Variants in GPR146 observed in about 807,000 individuals in gnomAD.
The protein encoded by GPR146 is G-protein coupled receptor 146.
For synonymous variants in GPR146, 203 were observed against 104.3 expected (o/e 1.95, Z -5.77); for missense variants, 381 against 213.9 (o/e 1.78, Z -4.87).
At chr7:1,046,200 C>T (rs1409108833) in intron 1 of GPR146, among the ~76,000 whole-genome samples, 1 of 152,134 alleles carries the variant, frequency 6.6e-6, no homozygotes, top group Admixed American at 6.5e-5. Context: ...AGGGGCTCCT[C>T]AGGGAGCTGC....
chr7:1,053,133 G>A (rs749163422), intron 1 of GPR146, among the ~76,000 whole-genome samples: 4 of 151,112 alleles, frequency 2.6e-5, no homozygotes, highest in African/African-American at 4.8e-5. Flanking sequence ...CAGACAGCCC[G>A]GCAGCCAGGA....
intron 1 of GPR146, among the ~76,000 whole-genome samples, chr7:1,053,186 C>A (rs1783312455): frequency 6.6e-6 from 1 of 150,450 alleles, no homozygotes; most frequent in Admixed American, 6.6e-5. Context: ...AGACCACGGA[C>A]AGGCAAGGAG....
rs1404845366 is a variant in GPR146, at chr7:1,058,006, TCTTC to T, written c.492_495del (p.Phe165ThrfsTer11). 1.3e-6 allele frequency: 1 copy of T among 770,010 alleles called. No individual in the cohort carries two copies. The highest frequency in any genetic ancestry group is 2.4e-6 in the Non-Finnish European group (1 of 417,924). The allele number at this position is 770,010 out of a possible 1,614,324, so 47.7% of individuals were successfully genotyped here. ...CTGCTGACCAGCTTCTCCTCGCTGC[TCTTC>T]TACATCTGCAGCCATGTGTCCACCC... is the stretch of plus-strand genomic sequence containing the variant. On this transcript the variant is annotated frameshift_variant, in exon 2 of 2. Coordinates refer to ENST00000444847, the MANE Select transcript of GPR146 (RefSeq NM_001303473.2). LOFTEE classifies it low-confidence loss of function (END_TRUNC).
rs748018539 is a variant in GPR146, at chr7:1,057,979, C to T, written c.464C>T (p.Ala155Val). The change falls in exon 2 of 2, where the codon GCG (alanine) becomes GTG (valine). Residue 155 changes from alanine to valine, a missense_variant. Physicochemically the swap from Ala to Val is moderately conservative, Grantham distance 64 (BLOSUM62 0). Coordinates refer to ENST00000444847, the MANE Select transcript of GPR146 (RefSeq NM_001303473.2). Reference protein sequence around the residue: ...RHVCGFVWGGALLTSFSSLLF... With the variant: ...RHVCGFVWGGVLLTSFSSLLF... ...GTGTGCGGCTTCGTGTGGGGTGGCG[C>T]GCTGCTGACCAGCTTCTCCTCGCTG... The T allele has an allele frequency of 1.0e-5, 8 of 770,678 alleles. No homozygotes were observed. Among genetic ancestry groups the T allele is most frequent in the Admixed American group, 1.7e-5 (1 of 59,014 alleles). The allele number at this position is 770,678 out of a possible 1,614,324, so 47.7% of individuals were successfully genotyped here. A position where few individuals can be genotyped will look rare whatever the true frequency, so the allele number is the denominator to read the frequency against.
At position 1,052,756 on chromosome 7, in the gene GPR146, G is replaced by A. The variant is rs1783255313; in HGVS notation, c.-24-4736G>A. ...GGCAGGCAGTGCTCAGAGTGAAACG[G>A]GTGACTGGAGGGCATGTGCCAGCTC... is the stretch of plus-strand genomic sequence containing the variant. On this transcript the variant is annotated intron_variant, in intron 1 of 1. Transcript: ENST00000444847. The surrounding 1 kb of genome is among the most constrained non-coding windows in gnomAD (Gnocchi z 4.2). Among the ~76,000 whole-genome samples the A allele has an allele frequency of 6.6e-6, 1 of 152,108 alleles. No individual in the cohort carries two copies. Among genetic ancestry groups the A allele is most frequent in the African/African-American group, 2.4e-5 (1 of 41,418 alleles).
At chr7:1,055,230 G>A (rs757235576) in intron 1 of GPR146, 54 of 470,860 alleles carry the variant, frequency 1.1e-4, no homozygotes, top group South Asian at 6.0e-4. Context: ...AGGGAGGGGC[G>A]GTGGCGCCTG....
rs1783189235 is a variant in GPR146 at position 1,052,255 on chromosome 7, C to T, written c.-24-5237C>T. On this transcript the variant is annotated intron_variant, in intron 1 of 1. Transcript: ENST00000444847. The surrounding 1 kb of genome is among the most constrained non-coding windows in gnomAD (Gnocchi z 4.2). The stretch of plus-strand genomic sequence containing the variant: ...GCAGGCGCCTGCGTCGAGGCGTGCC[C>T]TCCTGAGAGGCAAGGCTGACCTGCA... Among the ~76,000 whole-genome samples, 1 of 152,242 alleles carries T rather than the reference C, an allele frequency of 6.6e-6. No individual in the cohort carries two copies. The highest frequency in any genetic ancestry group is 2.1e-4 in the South Asian group (1 of 4,834).
At chr7:1,047,584 T>C (rs958928362) in intron 1 of GPR146, among the ~76,000 whole-genome samples, 7 of 152,210 alleles carry the variant, frequency 4.6e-5, no homozygotes, top group Non-Finnish European at 7.3e-5. Context: ...CAAAAGAAAA[T>C]AAACATTCCA....
intron 1 of GPR146, among the ~76,000 whole-genome samples, chr7:1,057,118 C>A (rs983650673): frequency 1.3e-5 from 2 of 152,064 alleles, no homozygotes; most frequent in African/African-American, 2.4e-5. Context: ...TGGCAAGATG[C>A]GAACACCACA....
At chr7:1,048,400 G>T (rs1375919421) in intron 1 of GPR146, among the ~76,000 whole-genome samples, 1 of 152,102 alleles carries the variant, frequency 6.6e-6, no homozygotes, top group Admixed American at 6.5e-5. Flanking sequence ...GTTTCTGCCA[G>T]CTCTGTGCAG....
At chr7:1,050,089 A>T (rs1027171564) in intron 1 of GPR146, among the ~76,000 whole-genome samples, 1 of 152,230 alleles carries the variant, frequency 6.6e-6, no homozygotes, top group Non-Finnish European at 1.5e-5. Context: ...CCGCAAGCAC[A>T]GGGTCTTCTG....
chr7:1,055,354 G>C (rs1246222062), intron 1 of GPR146: 1 of 471,012 alleles, frequency 2.1e-6, no homozygotes, highest in Non-Finnish European at 4.4e-6. Flanking sequence ...AAGAGCCTGC[G>C]GGTTTGCAGA....
intron 1 of GPR146, among the ~76,000 whole-genome samples, chr7:1,055,836 T>C (rs1306207719): frequency 6.6e-6 from 1 of 152,096 alleles, no homozygotes; most frequent in Non-Finnish European, 1.5e-5. Context: ...GGGCGCCCCG[T>C]GAGGCCAGGC....
chr7:1,053,443 A>G (rs549870567), intron 1 of GPR146, among the ~76,000 whole-genome samples: 24 of 152,328 alleles, frequency 1.6e-4, no homozygotes, highest in African/African-American at 5.5e-4. Context: ...GTCTCCTGTG[A>G]CCAGGAGAGG....
At chr7:1,055,273 C>T (rs745708993) in intron 1 of GPR146, 23 of 471,064 alleles carry the variant, frequency 4.9e-5, no homozygotes, top group Middle Eastern at 6.5e-4. Flanking sequence ...GGGGAACTTA[C>T]CAGAGGAAAA....
intron 1 of GPR146, among the ~76,000 whole-genome samples, chr7:1,055,835 G>A (rs12530960): frequency 0.17 from 25,552 of 152,160 alleles, 2,289 homozygotes; most frequent in African/African-American, 0.19. Context: ...TGGGCGCCCC[G>A]TGAGGCCAGG....
chr7:1,054,129 G>GAGCAGCCCGCCCCAGC (rs1259243691), intron 1 of GPR146, among the ~76,000 whole-genome samples: 4 of 152,222 alleles, frequency 2.6e-5, no homozygotes, highest in African/African-American at 4.8e-5. Flanking sequence ...AGAGCCCACG[G>GAGCAGCCCGCCCCAGC]AGCAGCCCGC....
In GPR146 at chr7:1,058,134, C is replaced by G. The variant is rs1261224595; in HGVS notation, c.619C>G (p.Leu207Val). Residue 207 changes from leucine (L) to valine (V), a missense_variant, in exon 2 of 2, where the codon CTG becomes GTG. Physicochemically the swap from Leu to Val is conservative, Grantham distance 32. Transcript: ENST00000444847. Reference sequence around the variant, plus strand: ...GCCAGCACTGGCCACCCTCTACGCGCTGGTGCTACTCTCCCGCGTCCGCAG... The same window carrying G: ...GCCAGCACTGGCCACCCTCTACGCGGTGGTGCTACTCTCCCGCGTCCGCAG... ...VVPALATLYA[L>V]VLLSRVRRED... 1.3e-6 allele frequency: 1 copy of G among 750,736 alleles called. No individual in the cohort carries two copies. The highest frequency in any genetic ancestry group is 1.8e-5 in the Admixed American group (1 of 56,520). The allele number at this position is 750,736 out of a possible 1,614,324, so 46.5% of individuals were successfully genotyped here.
At position 1,059,188 on chromosome 7, in the gene GPR146, G is replaced by A. The variant is rs938842874; in HGVS notation, c.*671G>A. ...ATAACATCAGCTGAGGTTTTTTTCA[G>A]TATGAACCTGTCCTAAATCAATTCC... On this transcript the variant is annotated 3_prime_UTR_variant, in exon 2 of 2. Coordinates refer to ENST00000444847, the MANE Select transcript of GPR146 (RefSeq NM_001303473.2). 25 of 167,826 alleles carry A rather than the reference G, an allele frequency of 1.5e-4. No homozygotes were observed. The highest frequency in any genetic ancestry group is 6.0e-4 in the African/African-American group (25 of 41,444). The allele number at this position is 167,826 out of a possible 1,614,324, so 10.4% of individuals were successfully genotyped here.
Sources: allele counts gnomAD v4.1 joint callset (sites outside exome capture counted in the v4.1 genomes callset), GRCh38; gene constraint gnomAD v4.1.1; non-coding constraint Gnocchi (gnomAD v3.1); transcripts MANE v1.5; gene names NCBI Gene and HGNC (gene_info 2026-07-23, HGNC 2026-07-21).